REEP4: variants seen among roughly 807,000 people sequenced by gnomAD.
REEP4 encodes the protein receptor expression-enhancing protein 4.
Under a neutral mutation model 33.5 loss-of-function variants are expected in REEP4, and 17 were observed. That is an observed-to-expected ratio of 0.51 (90% CI 0.35 to 0.76). The LOEUF (loss-of-function observed/expected upper bound fraction) is 0.76. Among genes scored for constraint, REEP4 ranks in the 30% least tolerant of loss-of-function variants. The pLI is 0.01. For synonymous variants in REEP4, 157 were observed against 142.9 expected (o/e 1.10, Z -0.70); for missense variants, 340 against 357.9 (o/e 0.95, Z 0.40).
intron 3 of REEP4, 32 bp downstream of exon 3, chr8:22,140,138 CCT>C: frequency 6.2e-7 from 1 of 1,614,134 alleles, no homozygotes; most frequent in Non-Finnish European, 8.5e-7. Flanking sequence ...GGGGGCCACC[CCT>C]GACCCATGGC....
intron 2 of REEP4, 32 bp from the exon 3 acceptor site, chr8:22,140,280 G>A: frequency 1.2e-6 from 2 of 1,610,316 alleles, no homozygotes; most frequent in Non-Finnish European, 1.7e-6. Flanking sequence ...GTCAGCATGG[G>A]GCCTGCAGCA....
chr8:22,141,558 G>A lies in REEP4; in HGVS notation c.-76C>T. On this transcript the variant is annotated 5_prime_UTR_variant, in exon 1 of 8. Coordinates refer to ENST00000306306, the MANE Select transcript of REEP4 (RefSeq NM_025232.4). ...ACGTTCACTCAAGGGCTGGGACGGG[G>A]GGTGATCAGGGCAGTTGCGGGAAGC... 4.7e-6 allele frequency: 7 copies of A among 1,493,820 alleles called. No individual in the cohort carries two copies. The highest frequency in any genetic ancestry group is 5.4e-6 in the Non-Finnish European group (6 of 1,102,976). 92.5% of individuals were successfully genotyped at this position (1,493,820 alleles called of 1,614,324 possible). A position where few individuals can be genotyped will look rare whatever the true frequency, so the allele number is the denominator to read the frequency against.
chr8:22,141,347 G>T (rs1827227392), intron 1 of REEP4, 104 bp downstream of exon 1: 4 of 1,357,330 alleles, frequency 2.9e-6, no homozygotes, highest in African/African-American at 1.5e-5. Context: ...GTGCTGGAGG[G>T]TGGAGCTCAG....
At position 22,138,322 on chromosome 8, in the gene REEP4, T is replaced by A; in HGVS notation, c.*165A>T. 1.3e-6 allele frequency: 1 copy of A among 791,136 alleles called. No individual in the cohort carries two copies. Among genetic ancestry groups the A allele is most frequent in the Non-Finnish European group, 2.2e-6 (1 of 464,736 alleles). The allele number at this position is 791,136 out of a possible 1,614,324, so 49.0% of individuals were successfully genotyped here. A position where few individuals can be genotyped will look rare whatever the true frequency, so the allele number is the denominator to read the frequency against. ...TACATTGTGGGTGCATCCCTGCATG[T>A]GGCCTTGGCAGCATCTGCTCCCGGC... On this transcript the variant is annotated 3_prime_UTR_variant, in exon 8 of 8. Transcript: ENST00000306306.
At position 22,138,958 on chromosome 8, in the gene REEP4, TC is replaced by T; in HGVS notation, c.520del (p.Glu174ArgfsTer46). The stretch of plus-strand genomic sequence containing the variant: ...TGGCCTCCGGTGGGACACCTGGTCC[TC>T]CAGGTAGAGGGGGTCATGGTAGGCA... Reference protein sequence around the residue: ...APAYHDPLYLEDQVSHRRPPI... With the variant: ...APAYHDPLYLXDQVSHRRPPI... On this transcript the variant is annotated frameshift_variant, in exon 6 of 8. Transcript: ENST00000306306. LOFTEE classifies it high-confidence loss of function. The T allele has an allele frequency of 6.2e-7, 1 of 1,604,884 alleles. No individual in the cohort carries two copies.
In REEP4 at chr8:22,139,915, C is replaced by T. The variant is rs746902704; in HGVS notation, c.303+48G>A. ...CTAAATCCCAGGTCCAGGGCTCTTT[C>T]CCTCATACCCACCCCTAAGCCTCCC... On this transcript the variant is annotated intron_variant, in intron 4 of 7. Coordinates refer to ENST00000306306, the MANE Select transcript of REEP4 (RefSeq NM_025232.4). The T allele has an allele frequency of 6.4e-6, 10 of 1,551,668 alleles. No homozygotes were observed. The South Asian group carries it at 7.1e-5, about 11-fold the overall frequency.
chr8:22,139,551 G>A lies in REEP4; in HGVS notation c.304-22C>T, dbSNP rs375599868. On this transcript the variant is annotated intron_variant, in intron 4 of 7. Coordinates refer to ENST00000306306, the MANE Select transcript of REEP4 (RefSeq NM_025232.4). The stretch of plus-strand genomic sequence containing the variant: ...TCTCCTGTGGACCCAATGGGGAGGA[G>A]AGCTCAGGTGGACAGCCAGAGTCCC... The A allele has an allele frequency of 2.6e-6, 4 of 1,563,416 alleles. No individual in the cohort carries two copies. In the African/African-American group the frequency reaches 4.1e-5, roughly 16 times the overall value.
chr8:22,138,705 G>C lies in REEP4; in HGVS notation c.642C>G (p.Pro214=). The C allele has an allele frequency of 1.9e-6, 3 of 1,613,094 alleles. No individual in the cohort carries two copies. The South Asian group carries it at 3.3e-5, about 18-fold the overall frequency. The change falls in exon 7 of 8, where the codon CCC becomes CCG. Residue 214 remains proline, a synonymous_variant. Transcript: ENST00000306306. ...GGCTGCGGATTAGGGGCTTCTCTCG[G>C]GGCCGGGCTGGCGCCCGGGGGACTG... ...TEAVPRAPAR[P]REKPLIRSQS... is the part of the protein sequence containing the mutation.
rs372369162 is a variant in REEP4 at position 22,140,253 on chromosome 8, G to T, written c.106-5C>A. On this transcript the variant is annotated splice_polypyrimidine_tract_variant and splice_region_variant and intron_variant, in intron 2 of 7. Transcript: ENST00000306306. ...CCAGTACATCATCCACCGCACCTGT[G>T]GGGTGAGCGCCCAGAGGTCAGCATG... 169 of 1,614,008 alleles carry T rather than the reference G, an allele frequency of 1.0e-4. No homozygotes were observed. The highest frequency in any genetic ancestry group is 3.7e-4 in the African/African-American group (28 of 75,026).
Position 22,138,171 on chromosome 8 carries a change from T to C in REEP4, c.*316A>G. On this transcript the variant is annotated 3_prime_UTR_variant, in exon 8 of 8. Coordinates refer to ENST00000306306, the MANE Select transcript of REEP4 (RefSeq NM_025232.4). Reference sequence around the variant, plus strand: ...AGGAATGAACACACCCAGGTGGACGTTTGGTTTCATTTGCAGGGGTTCAGG... The same window carrying C: ...AGGAATGAACACACCCAGGTGGACGCTTGGTTTCATTTGCAGGGGTTCAGG... The C allele has an allele frequency of 1.7e-6, 1 of 600,160 alleles. No homozygotes were observed. The allele number at this position is 600,160 out of a possible 1,614,324, so 37.2% of individuals were successfully genotyped here.
At chr8:22,139,911 C>T in intron 4 of REEP4, 52 bp downstream of exon 4, 1 of 1,550,522 alleles carries the variant, frequency 6.4e-7, no homozygotes, top group Non-Finnish European at 8.7e-7. Flanking sequence ...GTCCAGGGCT[C>T]TTTCCCTCAT....
rs370835678 is a variant in REEP4, at chr8:22,140,309, C to A, written c.106-61G>T. 2.6e-5 allele frequency: 40 copies of A among 1,531,928 alleles called. No individual in the cohort carries two copies. The South Asian group carries it at 2.8e-4, about 11-fold the overall frequency. 94.9% of individuals were successfully genotyped at this position (1,531,928 alleles called of 1,614,324 possible). ...TGCAGCACCAACTCCCAACCCAGGC[C>A]AGCCCAGCCCAGAGATTCCAGGGAG... On this transcript the variant is annotated intron_variant, in intron 2 of 7. Coordinates refer to ENST00000306306, the MANE Select transcript of REEP4 (RefSeq NM_025232.4).
intron 6 of REEP4, 46 bp from the exon 7 acceptor site, chr8:22,138,839 C>T (rs779439965): frequency 1.3e-6 from 2 of 1,565,686 alleles, no homozygotes; most frequent in African/African-American, 1.4e-5. Flanking sequence ...ACCAGGCCAG[C>T]CCTTCCTCGA....
chr8:22,139,720 C>T, intron 4 of REEP4, 191 bp from the exon 5 acceptor site: 2 of 673,976 alleles, frequency 3.0e-6, no homozygotes, highest in Non-Finnish European at 5.0e-6. Flanking sequence ...CCATGAGTGG[C>T]CATGCTCCAG....
At chr8:22,140,305 A>G in intron 2 of REEP4, 57 bp from the exon 3 acceptor site, 3 of 1,551,736 alleles carry the variant, frequency 1.9e-6, no homozygotes, top group Non-Finnish European at 1.8e-6. Context: ...CTCCCAACCC[A>G]GGCCAGCCCA....
chr8:22,139,557 A>C, intron 4 of REEP4, 28 bp from the exon 5 acceptor site: 534 of 1,519,398 alleles, frequency 3.5e-4, no homozygotes, highest in Non-Finnish European at 4.4e-4. Context: ...AGGAGAGCTC[A>C]GGTGGACAGC....
At position 22,139,533 on chromosome 8, in the gene REEP4, T is replaced by G; in HGVS notation, c.304-4A>C. 6.2e-7 allele frequency: 1 copy of G among 1,600,834 alleles called. No homozygotes were observed. The highest frequency in any genetic ancestry group is 1.1e-5 in the South Asian group (1 of 90,518). ...GCACGATGTACGCGTCGATCTCCTG[T>G]GGACCCAATGGGGAGGAGAGCTCAG... On this transcript the variant is annotated splice_region_variant and splice_polypyrimidine_tract_variant and intron_variant, in intron 4 of 7. Coordinates refer to ENST00000306306, the MANE Select transcript of REEP4 (RefSeq NM_025232.4).
rs1827164006 is a variant in REEP4 at position 22,138,430 on chromosome 8, A to T, written c.*57T>A. On this transcript the variant is annotated 3_prime_UTR_variant, in exon 8 of 8. Coordinates refer to ENST00000306306, the MANE Select transcript of REEP4 (RefSeq NM_025232.4). ...CAGATGTGCAGCCCAAGGTCCCTCC[A>T]AATAGCCCTGGAGCCCTGCAGGGCA... 6.3e-7 allele frequency: 1 copy of T among 1,597,166 alleles called. No individual in the cohort carries two copies. The highest frequency in any genetic ancestry group is 1.3e-5 in the African/African-American group (1 of 74,798).
chr8:22,139,484 T>C lies in REEP4; in HGVS notation c.349A>G (p.Thr117Ala), dbSNP rs781415096. ...IVQAKERSYETVLSFGKRGLN... is the reference protein window; with the variant it reads ...IVQAKERSYEAVLSFGKRGLN... Reference sequence around the variant, plus strand: ...CCCCGCTTCCCGAAGCTGAGCACGGTCTCGTAGCTGCGCTCCTTGGCCTGC... The same window carrying C: ...CCCCGCTTCCCGAAGCTGAGCACGGCCTCGTAGCTGCGCTCCTTGGCCTGC... The change falls in exon 5 of 8, where the codon ACC (threonine) becomes GCC (alanine). Residue 117 changes from threonine (T) to alanine (A), a missense_variant. Coordinates refer to ENST00000306306, the MANE Select transcript of REEP4 (RefSeq NM_025232.4). 6.2e-7 allele frequency: 1 copy of C among 1,610,896 alleles called. No homozygotes were observed. Among genetic ancestry groups the C allele is most frequent in the South Asian group, 1.1e-5 (1 of 91,072 alleles).
Sources: allele counts gnomAD v4.1 joint callset, GRCh38; gene constraint gnomAD v4.1.1; transcripts MANE v1.5; gene names NCBI Gene and HGNC (gene_info 2026-07-23, HGNC 2026-07-21).